SLC4A10: variants seen among roughly 807,000 people sequenced by gnomAD.
The protein encoded by SLC4A10 is solute carrier family 4 member 10.
In SLC4A10, 42 loss-of-function variants were observed where a neutral mutation model predicts 137.7. That is an observed-to-expected ratio of 0.30 (90% confidence interval 0.24 to 0.39). The LOEUF is 0.39. Among genes scored for constraint, SLC4A10 ranks in the 10% least tolerant of loss-of-function variants. SLC4A10 has a pLI of 1.00. For missense variants in SLC4A10, 925 were observed against 1,355.0 expected, an observed-to-expected ratio of 0.68 and a Z score of 4.98; for synonymous variants, 474 against 464.1, an observed-to-expected ratio of 1.02 and a Z score of -0.27.
intron 3 of SLC4A10, among the ~76,000 whole-genome samples, chr2:161,835,435 T>A (rs1360678320): frequency 4.3e-4 from 66 of 152,308 alleles, no homozygotes; most frequent in Admixed American, 4.3e-3. Context: ...GACCTTTGAA[T>A]GTTTAAGCAA....
chr2:161,786,256 TG>T, intron 2 of SLC4A10, among the ~76,000 whole-genome samples: 1 of 152,112 alleles, frequency 6.6e-6, no homozygotes, highest in Admixed American at 6.5e-5. Context: ...TGCTCTTTTT[TG>T]TTTTCCATTG....
At chr2:161,744,774 T>A (rs1480886041) in intron 1 of SLC4A10, among the ~76,000 whole-genome samples, 1 of 152,174 alleles carries the variant, frequency 6.6e-6, no homozygotes, top group Non-Finnish European at 1.5e-5. Flanking sequence ...CTTTTTGTTG[T>A]TTCTATTTAT....
chr2:161,873,530 CAAAAA>C (rs759717096), intron 7 of SLC4A10, among the ~76,000 whole-genome samples: 1 of 17,326 alleles, frequency 5.8e-5, no homozygotes, highest in African/African-American at 2.4e-4. Flanking sequence ...GACCACATCT[CAAAAA>C]AAAAAAAAAA....
intron 1 of SLC4A10, among the ~76,000 whole-genome samples, chr2:161,644,867 A>G (rs1255359902): frequency 6.6e-6 from 1 of 152,210 alleles, no homozygotes; most frequent in Non-Finnish European, 1.5e-5. Context: ...CAAATGAAAC[A>G]AAATAAAATT....
Position 161,974,249 on chromosome 2 carries a change from G to A in SLC4A10, c.3160G>A (p.Glu1054Lys). The A allele has an allele frequency of 6.2e-7, 1 of 1,603,136 alleles. No individual in the cohort carries two copies. The highest frequency in any genetic ancestry group is 8.5e-7 in the Non-Finnish European group (1 of 1,174,816). The change falls in exon 24 of 27, where the codon GAA becomes AAA. Residue 1054 changes from glutamate to lysine, a missense_variant and splice_region_variant. Physicochemically the swap from Glu to Lys is moderately conservative, Grantham distance 56. Coordinates refer to ENST00000446997, the MANE Select transcript of SLC4A10 (RefSeq NM_001178015.2). ...ATATACTTTACATTTGTCTTTTCAG[G>A]AAGAACAAAGTATGCTAGCTATGGA... ...KKKLEDAEKE[E>K]EQSMLAMEDE...
chr2:161,667,202 T>C (rs951049179), intron 1 of SLC4A10, among the ~76,000 whole-genome samples: 1 of 151,626 alleles, frequency 6.6e-6, no homozygotes, highest in Non-Finnish European at 1.5e-5. Flanking sequence ...CCTTGTTTTC[T>C]TCATCTTCCT....
intron 10 of SLC4A10, among the ~76,000 whole-genome samples, chr2:161,887,609 T>C (rs1010322834): frequency 6.6e-6 from 1 of 152,238 alleles, no homozygotes; most frequent in African/African-American, 2.4e-5. Context: ...ATGTCTTCTT[T>C]TGAGAAATTT....
intron 1 of SLC4A10, among the ~76,000 whole-genome samples, chr2:161,680,407 T>C (rs2040725410): frequency 1.3e-5 from 2 of 152,088 alleles, no homozygotes; most frequent in African/African-American, 2.4e-5. Flanking sequence ...GGAATTAACA[T>C]TGTGTGTACA....
chr2:161,692,260 T>C (rs1364534939), intron 1 of SLC4A10, among the ~76,000 whole-genome samples: 1 of 152,064 alleles, frequency 6.6e-6, no homozygotes, highest in Non-Finnish European at 1.5e-5. Flanking sequence ...AATTTTTATG[T>C]AGATATATAG....
chr2:161,770,773 A>G (rs1186663946), intron 1 of SLC4A10, among the ~76,000 whole-genome samples, 200 bp from the exon 2 acceptor site: 1 of 151,920 alleles, frequency 6.6e-6, no homozygotes, highest in Admixed American at 6.6e-5. Context: ...AAACCAGATG[A>G]TATTTCTTCA....
At chr2:161,931,454 C>T (rs1214788500) in intron 15 of SLC4A10, 1 of 152,296 alleles carries the variant, frequency 6.6e-6, no homozygotes, top group East Asian at 1.9e-4. Flanking sequence ...AATCTTACAG[C>T]TGAACACCAT....
At chr2:161,935,146 C>G (rs1341102418) in intron 15 of SLC4A10, among the ~76,000 whole-genome samples, 1 of 152,156 alleles carries the variant, frequency 6.6e-6, no homozygotes, top group South Asian at 2.1e-4. Context: ...AGAGACTGTC[C>G]TTTCCCCACT....
chr2:161,971,429 C>A (rs1310886908), intron 23 of SLC4A10, among the ~76,000 whole-genome samples: 1 of 152,206 alleles, frequency 6.6e-6, no homozygotes, highest in Non-Finnish European at 1.5e-5. Context: ...TATTATTCTA[C>A]CTTTCATCAT....
chr2:161,661,173 G>T (rs2038338630), intron 1 of SLC4A10, among the ~76,000 whole-genome samples: 1 of 152,000 alleles, frequency 6.6e-6, no homozygotes, highest in East Asian at 1.9e-4. Context: ...ATCATGAAAA[G>T]GCAAGACAAG....
rs192266675 is a variant in SLC4A10, at chr2:161,687,030, C to T, written c.48+62464C>T. Among the ~76,000 whole-genome samples, 14 of 152,050 alleles carry T rather than the reference C, an allele frequency of 9.2e-5. No homozygotes were observed. In the South Asian group the frequency reaches 2.3e-3, roughly 25 times the overall value. Reference sequence around the variant, plus strand: ...CCCGAGTAGCTGGACTATAGGCACACGCCACCATGCCCAGCAAATTTTTTT... The same window carrying T: ...CCCGAGTAGCTGGACTATAGGCACATGCCACCATGCCCAGCAAATTTTTTT... On this transcript the variant is annotated intron_variant, in intron 1 of 26. Coordinates refer to ENST00000446997, the MANE Select transcript of SLC4A10 (RefSeq NM_001178015.2).
chr2:161,660,420 C>T (rs1205529169), intron 1 of SLC4A10, among the ~76,000 whole-genome samples: 1 of 152,124 alleles, frequency 6.6e-6, no homozygotes. Flanking sequence ...GATGAATTTT[C>T]AGTAAGAACA....
chr2:161,828,620 G>A (rs1312011026), intron 3 of SLC4A10, among the ~76,000 whole-genome samples: 1 of 146,328 alleles, frequency 6.8e-6, no homozygotes, highest in African/African-American at 2.5e-5. Flanking sequence ...TGGTTCCCTA[G>A]TATTGGAATT....
chr2:161,657,466 T>A (rs2037705401), intron 1 of SLC4A10, among the ~76,000 whole-genome samples: 1 of 152,088 alleles, frequency 6.6e-6, no homozygotes, highest in Admixed American at 6.5e-5. Flanking sequence ...AAAGTTATTA[T>A]AACCTACTCT....
intron 1 of SLC4A10, among the ~76,000 whole-genome samples, chr2:161,630,311 G>C (rs1179567226): frequency 6.6e-6 from 1 of 151,712 alleles, no homozygotes; most frequent in Non-Finnish European, 1.5e-5. Flanking sequence ...TAATATCTTT[G>C]TTTGGTTTTG....
Sources: allele counts gnomAD v4.1 joint callset (sites outside exome capture counted in the v4.1 genomes callset), GRCh38; gene constraint gnomAD v4.1.1; transcripts MANE v1.5; gene names NCBI Gene and HGNC (gene_info 2026-07-23, HGNC 2026-07-21).